Variants in MTUS2 observed in about 807,000 individuals in gnomAD.
MTUS2 encodes the protein microtubule-associated tumor suppressor candidate 2.
Under a neutral mutation model 114.1 loss-of-function variants are expected in MTUS2, and 40 were observed. The observed-to-expected ratio is 0.35, with a 90% CI of 0.27 to 0.46. The LOEUF (loss-of-function observed/expected upper bound fraction) is 0.46. Ranked by LOEUF, MTUS2 falls within the 20% of genes least tolerant of loss-of-function variation. The pLI is 1.00. For missense variants in MTUS2, 1,679 were observed against 1,705.4 expected (o/e 0.98, Z 0.27); for synonymous variants, 688 against 672.0 (o/e 1.02, Z -0.37).
chr13:29,357,172 C>CATCATG (rs1555268735), intron 7 of MTUS2, among the ~76,000 whole-genome samples: 11 of 150,792 alleles, frequency 7.3e-5, no homozygotes, highest in East Asian at 3.9e-4. Context: ...TAATTTCTAA[C>CATCATG]ATGATGATGA....
intron 8 of MTUS2, among the ~76,000 whole-genome samples, chr13:29,412,943 G>A (rs1875372773): frequency 6.6e-6 from 1 of 152,066 alleles, no homozygotes; most frequent in Non-Finnish European, 1.5e-5. Flanking sequence ...CATATTCCTG[G>A]ACTCATGGCC....
chr13:29,466,516 G>A (rs1276655337), intron 9 of MTUS2, among the ~76,000 whole-genome samples: 1 of 152,154 alleles, frequency 6.6e-6, no homozygotes, highest in African/African-American at 2.4e-5. Context: ...GTTAGGTTCT[G>A]TAGATTTAAA....
chr13:29,336,671 C>T (rs1203220366), intron 7 of MTUS2, among the ~76,000 whole-genome samples: 1 of 152,220 alleles, frequency 6.6e-6, no homozygotes, highest in African/African-American at 2.4e-5. Flanking sequence ...CAGCGCTGTG[C>T]TGGGAAATCC....
chr13:29,274,921 G>C (rs999834470), intron 5 of MTUS2, among the ~76,000 whole-genome samples: 2 of 152,012 alleles, frequency 1.3e-5, no homozygotes, highest in African/African-American at 4.8e-5. Flanking sequence ...TTTTTGTAGA[G>C]ACAGGGTCTC....
chr13:29,185,926 G>A (rs752438018), intron 5 of MTUS2, among the ~76,000 whole-genome samples: 9 of 152,130 alleles, frequency 5.9e-5, no homozygotes, highest in Non-Finnish European at 1.0e-4. Flanking sequence ...GAATGTTAAG[G>A]CTAGGCCTGA....
At chr13:28,888,660 G>C (rs533032046) in intron 2 of MTUS2, among the ~76,000 whole-genome samples, 1 of 152,244 alleles carries the variant, frequency 6.6e-6, no homozygotes, top group South Asian at 2.1e-4. Flanking sequence ...GACCTCAGGT[G>C]ATCCGCCTGC....
intron 2 of MTUS2, among the ~76,000 whole-genome samples, chr13:28,894,289 GGAGA>G (rs1282557810): frequency 8.5e-5 from 1 of 11,810 alleles, no homozygotes; most frequent in African/African-American, 4.3e-4. Flanking sequence ...TGGGGGGGGG[GGAGA>G]GAGAGAGAGA....
intron 5 of MTUS2, among the ~76,000 whole-genome samples, chr13:29,261,856 G>C (rs1188888562): frequency 6.6e-6 from 1 of 152,178 alleles, no homozygotes; most frequent in Non-Finnish European, 1.5e-5. Context: ...AAGTACTTCA[G>C]ATAGGGAAAA....
intron 2 of MTUS2, among the ~76,000 whole-genome samples, chr13:28,872,653 G>A (rs1184498409): frequency 1.3e-5 from 2 of 152,142 alleles, no homozygotes. Flanking sequence ...AGCTGGTTTA[G>A]CAATCAGCTC....
intron 8 of MTUS2, among the ~76,000 whole-genome samples, chr13:29,403,283 C>G (rs1874491649): frequency 6.6e-6 from 1 of 152,172 alleles, no homozygotes; most frequent in African/African-American, 2.4e-5. Context: ...GCAGCTCTTA[C>G]CCTCCTGATT....
chr13:29,067,473 G>A (rs1057197160), intron 4 of MTUS2, among the ~76,000 whole-genome samples: 12 of 152,260 alleles, frequency 7.9e-5, no homozygotes, highest in Non-Finnish European at 5.9e-5. Flanking sequence ...TGTTGGGATT[G>A]GAAATTAGGA....
At chr13:28,913,664 T>C (rs1281269363) in intron 2 of MTUS2, among the ~76,000 whole-genome samples, 2 of 152,134 alleles carry the variant, frequency 1.3e-5, no homozygotes, top group African/African-American at 4.8e-5. Flanking sequence ...CCTTTTCAAT[T>C]GTTGGGAATA....
At chr13:29,416,211 G>A (rs974947611) in intron 8 of MTUS2, among the ~76,000 whole-genome samples, 2 of 151,104 alleles carry the variant, frequency 1.3e-5, no homozygotes, top group Non-Finnish European at 2.9e-5. Flanking sequence ...TTACAGGTGT[G>A]AGCCACCATG....
intron 8 of MTUS2, among the ~76,000 whole-genome samples, chr13:29,402,909 G>A (rs1008736471): frequency 1.3e-5 from 2 of 152,016 alleles, no homozygotes; most frequent in Non-Finnish European, 2.9e-5. Flanking sequence ...GCTAATTTTT[G>A]TATTTTTAGT....
At chr13:29,131,864 A>G (rs1426323315) in intron 5 of MTUS2, among the ~76,000 whole-genome samples, 2 of 152,256 alleles carry the variant, frequency 1.3e-5, no homozygotes, top group Non-Finnish European at 2.9e-5. Flanking sequence ...TCTACCATCC[A>G]GAGACGTTGA....
intron 6 of MTUS2, among the ~76,000 whole-genome samples, chr13:29,307,957 T>A (rs548005166): frequency 6.6e-6 from 1 of 152,108 alleles, no homozygotes; most frequent in African/African-American, 2.4e-5. Flanking sequence ...GTACCATCAA[T>A]AAAGTCCCCT....
At position 29,178,694 on chromosome 13, in the gene MTUS2, A is replaced by AT. The variant is rs1232499253; in HGVS notation, c.2644+77731dup. ...GGACAGAATTATTAAAAAAAAAAAAATTTTTTTCTCAATAGAAATGTATTT... is the reference window on the plus strand; with the variant it reads ...GGACAGAATTATTAAAAAAAAAAAAATTTTTTTTCTCAATAGAAATGTATTT... On this transcript the variant is annotated intron_variant, in intron 5 of 15. Coordinates refer to ENST00000612955, the MANE Select transcript of MTUS2 (RefSeq NM_001033602.4). Among the ~76,000 whole-genome samples, 390 of 151,780 alleles carry AT rather than the reference A, an allele frequency of 2.6e-3. 1 individual carries two copies. Among genetic ancestry groups the AT allele is most frequent in the South Asian group, 5.8e-3 (28 of 4,808 alleles).
intron 6 of MTUS2, among the ~76,000 whole-genome samples, chr13:29,298,922 T>A (rs951991040): frequency 6.6e-6 from 1 of 152,196 alleles, no homozygotes; most frequent in African/African-American, 2.4e-5. Context: ...AAGATGCCCT[T>A]ACTGCCCTAT....
intron 2 of MTUS2, among the ~76,000 whole-genome samples, chr13:28,918,066 C>T (rs145051694): frequency 6.6e-5 from 10 of 151,582 alleles, no homozygotes; most frequent in South Asian, 2.1e-4. Flanking sequence ...TATTTTCGAA[C>T]GCTGTAAGAC....
Sources: allele counts gnomAD v4.1 joint callset (sites outside exome capture counted in the v4.1 genomes callset), GRCh38; gene constraint gnomAD v4.1.1; transcripts MANE v1.5; gene names NCBI Gene and HGNC (gene_info 2026-07-23, HGNC 2026-07-21).